Variants in SPTAN1 observed in about 807,000 individuals in gnomAD.
SPTAN1 encodes the protein spectrin alpha, non-erythrocytic 1.
Under a neutral mutation model 331.3 loss-of-function variants are expected in SPTAN1, and 61 were observed. The ratio of observed to expected loss-of-function variants is 0.18; its 90% CI spans 0.15 to 0.23. The LOEUF is 0.23. Ranked by LOEUF, SPTAN1 falls within the 10% of genes least tolerant of loss-of-function variation. The pLI is 1.00. For synonymous variants in SPTAN1, 1,153 were observed against 1,173.9 expected (o/e 0.98, Z 0.36); for missense variants, 2,043 against 3,147.9 (o/e 0.65, Z 8.40).
rs587784432 is a variant in SPTAN1, at chr9:128,582,720, C to T, written c.1677C>T (p.His559=). The change falls in exon 14 of 57, where the codon CAC becomes CAT. Residue 559 remains histidine (H), a synonymous_variant. Coordinates refer to ENST00000372739, the MANE Select transcript of SPTAN1 (RefSeq NM_001130438.3). The stretch of plus-strand genomic sequence containing the variant: ...TGTTGAGCCGCCGCAATGCCCTTCA[C>T]GAGAGAGCCATGCGTCGCCGGGCCC... ...DALLSRRNAL[H]ERAMRRRAQL... The T allele has an allele frequency of 1.2e-5, 20 of 1,613,746 alleles. No homozygotes were observed. Among genetic ancestry groups the T allele is most frequent in the Admixed American group, 3.3e-5 (2 of 59,996 alleles).
chr9:128,560,922 A>C (rs1849244108), intron 1 of SPTAN1, among the ~76,000 whole-genome samples: 1 of 147,276 alleles, frequency 6.8e-6, no homozygotes, highest in African/African-American at 2.5e-5. Context: ...AGGCTGAGGC[A>C]GGAGAGTCAC....
chr9:128,627,692 T>C lies in SPTAN1; in HGVS notation c.6689+194T>C, dbSNP rs1205437786. Reference sequence around the variant, plus strand: ...CATAGGTGGAGCAGCCTCTCAGTGCTGCATGTCCCAGACATCAAGTTGTTA... The same window carrying C: ...CATAGGTGGAGCAGCCTCTCAGTGCCGCATGTCCCAGACATCAAGTTGTTA... On this transcript the variant is annotated intron_variant, in intron 50 of 56. Transcript: ENST00000372739. This position sits in a 1 kb window ranked among gnomAD's most constrained non-coding sequence, Gnocchi z 4.9. 1 of 783,688 alleles carries C rather than the reference T, an allele frequency of 1.3e-6. No individual in the cohort carries two copies. The highest frequency in any genetic ancestry group is 2.4e-5 in the East Asian group (1 of 41,102). 48.5% of individuals were successfully genotyped at this position (783,688 alleles called of 1,614,324 possible).
At chr9:128,557,666 C>T (rs1235142925) in intron 1 of SPTAN1, among the ~76,000 whole-genome samples, 1 of 151,886 alleles carries the variant, frequency 6.6e-6, no homozygotes, top group Non-Finnish European at 1.5e-5. Flanking sequence ...TGGCGTTCAT[C>T]AATAAGACAA....
Position 128,584,197 on chromosome 9 carries a change from T to C in SPTAN1, c.2194-85T>C, listed in dbSNP as rs1008939572. On this transcript the variant is annotated intron_variant, in intron 16 of 56. Coordinates refer to ENST00000372739, the MANE Select transcript of SPTAN1 (RefSeq NM_001130438.3). The stretch of plus-strand genomic sequence containing the variant: ...ATAGCAGAAAGAATCCTCTCAGGAA[T>C]GGAAAAAAGACCTTATCAATTTTTC... 2.6e-5 allele frequency: 42 copies of C among 1,598,026 alleles called. No homozygotes were observed. In the Admixed American group the frequency reaches 6.8e-4, roughly 26 times the overall value.
chr9:128,604,462 G>C, intron 29 of SPTAN1, 45 bp downstream of exon 29: 1 of 1,569,580 alleles, frequency 6.4e-7, no homozygotes, highest in African/African-American at 1.3e-5. Flanking sequence ...ACAGGTGACT[G>C]CTGGTTTCCT....
intron 27 of SPTAN1, among the ~76,000 whole-genome samples, chr9:128,601,924 C>T (rs1228899725): frequency 6.6e-6 from 1 of 152,170 alleles, no homozygotes; most frequent in Non-Finnish European, 1.5e-5. Context: ...AACTTTCTCT[C>T]CTTTTCTCAC....
chr9:128,627,210 A>G lies in SPTAN1; in HGVS notation c.6577-176A>G. 1.5e-6 allele frequency: 1 copy of G among 655,338 alleles called. No individual in the cohort carries two copies. The highest frequency in any genetic ancestry group is 2.9e-5 in the East Asian group (1 of 34,914). 40.6% of individuals were successfully genotyped at this position (655,338 alleles called of 1,614,324 possible). A position where few individuals can be genotyped will look rare whatever the true frequency, so the allele number is the denominator to read the frequency against. On this transcript the variant is annotated intron_variant, in intron 49 of 56. Transcript: ENST00000372739. This position sits in a 1 kb window ranked among gnomAD's most constrained non-coding sequence, Gnocchi z 4.9. The stretch of plus-strand genomic sequence containing the variant: ...TTCCTTGAAGCCCCTGGGGGGTGGG[A>G]ACAGAGAAAGAACTACCAAGTGCTC...
Position 128,625,276 on chromosome 9 carries a change from C to CCCTGAT in SPTAN1, c.6069+101_6069+102insATCCTG. 1.6e-6 allele frequency: 2 copies of CCCTGAT among 1,242,870 alleles called. No homozygotes were observed. Among genetic ancestry groups the CCCTGAT allele is most frequent in the Non-Finnish European group, 2.3e-6 (2 of 856,378 alleles). 77.0% of individuals were successfully genotyped at this position (1,242,870 alleles called of 1,614,324 possible). A position where few individuals can be genotyped will look rare whatever the true frequency, so the allele number is the denominator to read the frequency against. On this transcript the variant is annotated intron_variant, in intron 47 of 56. Transcript: ENST00000372739. This position sits in a 1 kb window ranked among gnomAD's most constrained non-coding sequence, Gnocchi z 4.1. ...ACTGAGGCATTTATCTTCTGTTAGC[C>CCCTGAT]CCTGGGGATCAGCAGGAAAAAGATC...
At chr9:128,632,520 G>C (rs1247490864) in intron 54 of SPTAN1, 36 bp downstream of exon 54, 1 of 1,614,150 alleles carries the variant, frequency 6.2e-7, no homozygotes, top group Non-Finnish European at 8.5e-7. Context: ...CTGGGTGGGG[G>C]GTGTTCGGCA....
In SPTAN1 at chr9:128,577,124, T is replaced by A. The variant is rs755161447; in HGVS notation, c.786-5T>A. 2 of 1,614,164 alleles carry A rather than the reference T, an allele frequency of 1.2e-6. No individual in the cohort carries two copies. Among genetic ancestry groups the A allele is most frequent in the East Asian group, 4.5e-5 (2 of 44,884 alleles). ...TGTGGATTAACTGGTGCCTTTGTTC[T>A]GTAGGGATGTGGATGAGACTATCAG... On this transcript the variant is annotated splice_region_variant and splice_polypyrimidine_tract_variant and intron_variant, in intron 6 of 56. Transcript: ENST00000372739. This position sits in a 1 kb window ranked among gnomAD's most constrained non-coding sequence, Gnocchi z 4.2.
intron 27 of SPTAN1, among the ~76,000 whole-genome samples, chr9:128,602,408 G>T (rs1002494251): frequency 1.3e-5 from 2 of 151,778 alleles, no homozygotes; most frequent in African/African-American, 4.8e-5. Context: ...GTAGAGACGG[G>T]GTTTCGCCAA....
At chr9:128,602,603 C>A (rs1180568666) in intron 27 of SPTAN1, among the ~76,000 whole-genome samples, 1 of 151,902 alleles carries the variant, frequency 6.6e-6, no homozygotes, top group African/African-American at 2.4e-5. Flanking sequence ...CTGAAAGATC[C>A]TAAGGGACTT....
rs1445116788 is a variant in SPTAN1 at position 128,632,635 on chromosome 9, C to T, written c.7077C>T (p.Ser2359=). 6.2e-7 allele frequency: 1 copy of T among 1,614,094 alleles called. No individual in the cohort carries two copies. The highest frequency in any genetic ancestry group is 2.2e-5 in the East Asian group (1 of 44,872). The change falls in exon 55 of 57, where the codon TCC becomes TCT. Residue 2359 remains serine (S), a synonymous_variant. Transcript: ENST00000372739. ...NHQEFKSCLR[S]LGYDLPMVEE... is the part of the protein sequence containing the mutation. Reference sequence around the variant, plus strand: ...AGGAGTTCAAATCTTGCCTGCGCTCCCTGGGCTATGACCTGCCCATGGTGG... The same window carrying T: ...AGGAGTTCAAATCTTGCCTGCGCTCTCTGGGCTATGACCTGCCCATGGTGG...
At position 128,624,726 on chromosome 9, in the gene SPTAN1, C is replaced by T. The variant is rs1011358371; in HGVS notation, c.5992+239C>T. ...AAACAAAAGCCTGTAAACGCTGCTG[C>T]ACGCAGAGATGGCATAATGTGACGT... On this transcript the variant is annotated intron_variant, in intron 46 of 56. Transcript: ENST00000372739. 4.6e-5 allele frequency: 27 copies of T among 584,744 alleles called. No individual in the cohort carries two copies. In the East Asian group the frequency reaches 6.2e-4, roughly 13 times the overall value. The allele number at this position is 584,744 out of a possible 1,614,324, so 36.2% of individuals were successfully genotyped here.
intron 18 of SPTAN1, among the ~76,000 whole-genome samples, chr9:128,585,045 C>T (rs1231852142): frequency 6.9e-6 from 1 of 145,212 alleles, no homozygotes; most frequent in African/African-American, 2.6e-5. Flanking sequence ...GACGGGGTCT[C>T]ACTCTGTCAC....
At chr9:128,581,158 A>G (rs1851894113) in intron 11 of SPTAN1, 99 bp downstream of exon 11, 1 of 1,513,498 alleles carries the variant, frequency 6.6e-7, no homozygotes. Context: ...CATCAGTACC[A>G]TGTTAGTTCT....
At position 128,600,102 on chromosome 9, in the gene SPTAN1, C is replaced by A. The variant is rs1004013873; in HGVS notation, c.3566C>A (p.Ala1189Asp). 1.2e-6 allele frequency: 2 copies of A among 1,614,194 alleles called. No homozygotes were observed. The highest frequency in any genetic ancestry group is 1.7e-6 in the Non-Finnish European group (2 of 1,180,024). Residue 1189 changes from alanine (A) to aspartate (D), a missense_variant, in exon 27 of 57, where the codon GCC becomes GAC. Physicochemically the swap from Ala to Asp is moderately radical, Grantham distance 126 (BLOSUM62 -2). This residue lies in a region of SPTAN1 where 1,038 missense variants were observed against 1,531.5 expected (regional missense o/e 0.68). Coordinates refer to ENST00000372739, the MANE Select transcript of SPTAN1 (RefSeq NM_001130438.3). ...MPRDETDSKT[A>D]SPWKSARLMV... is the part of the protein sequence containing the mutation. ...TAGGATGAAACTGATTCCAAGACAGCCTCCCCGTGGAAGGTAAGAACTCCT... is the reference window on the plus strand; with the variant it reads ...TAGGATGAAACTGATTCCAAGACAGACTCCCCGTGGAAGGTAAGAACTCCT...
chr9:128,620,304 C>T (rs1259112063), intron 44 of SPTAN1, among the ~76,000 whole-genome samples: 4 of 152,208 alleles, frequency 2.6e-5, no homozygotes, highest in East Asian at 1.9e-4. Flanking sequence ...AGCATCCTCC[C>T]GCTGGTCAGG....
chr9:128,594,043 C>T (rs1360260971), intron 23 of SPTAN1, 132 bp from the exon 24 acceptor site: 2 of 827,298 alleles, frequency 2.4e-6, no homozygotes, highest in Admixed American at 2.0e-5. Context: ...AACTCTGTTA[C>T]TAGGGCATCA....
Sources: allele counts gnomAD v4.1 joint callset (sites outside exome capture counted in the v4.1 genomes callset), GRCh38; gene constraint gnomAD v4.1.1; regional missense constraint gnomAD v4.1.1; non-coding constraint Gnocchi (gnomAD v3.1); transcripts MANE v1.5; gene names NCBI Gene and HGNC (gene_info 2026-07-23, HGNC 2026-07-21).